Variants in LYRM4 observed in about 807,000 individuals in gnomAD.
The protein encoded by LYRM4 is LYR motif-containing protein 4.
Under a neutral mutation model 11.7 loss-of-function variants are expected in LYRM4, and 9 were observed. That is an observed-to-expected ratio of 0.77 (90% CI 0.46 to 1.34). The LOEUF is 1.34. LYRM4 is among the 40% of genes most tolerant of loss of function. The pLI, the probability that LYRM4 is intolerant of heterozygous loss-of-function variation, is 0.00. For synonymous variants in LYRM4, 42 were observed against 40.4 expected, an observed-to-expected ratio of 1.04 and a Z score of -0.15; for missense variants, 133 against 112.5, an observed-to-expected ratio of 1.18 and a Z score of -0.82.
chr6:5,136,560 A>G (rs933491435), intron 2 of LYRM4: 11 of 970,458 alleles, frequency 1.1e-5, no homozygotes, highest in Non-Finnish European at 1.3e-5. Flanking sequence ...GTTAGATGGT[A>G]TTTATAATGT....
At chr6:5,122,096 C>T (rs1012726265) in intron 2 of LYRM4, among the ~76,000 whole-genome samples, 1 of 152,186 alleles carries the variant, frequency 6.6e-6, no homozygotes, top group African/African-American at 2.4e-5. Context: ...CAGGCAAGCT[C>T]AGCAGAAACC....
At chr6:5,049,968 T>C in the LYRM4 span, among the ~76,000 whole-genome samples, 2 of 152,250 alleles carry the variant, frequency 1.3e-5, no homozygotes, top group African/African-American at 4.8e-5. Context: ...ATGCCCGGCC[T>C]GGGCAGTGTC....
At chr6:5,069,370 T>TA in the LYRM4 span, among the ~76,000 whole-genome samples, 3,038 of 148,916 alleles carry the variant, frequency 0.02, 51 homozygotes, top group African/African-American at 0.046. Context: ...CATGTTAACA[T>TA]AAAAAAAAAA....
chr6:5,234,818 T>C (rs183666975), intron 1 of LYRM4, among the ~76,000 whole-genome samples: 2 of 152,216 alleles, frequency 1.3e-5, no homozygotes, highest in East Asian at 3.9e-4. Context: ...CATTACTAGA[T>C]TGAGGAAGAA....
intron 1 of LYRM4, among the ~76,000 whole-genome samples, chr6:5,225,841 T>C (rs1005033421): frequency 3.3e-5 from 5 of 152,258 alleles, no homozygotes; most frequent in Admixed American, 2.6e-4. Context: ...CCAACATCTC[T>C]GCCAACACAG....
chr6:5,085,691 A>C, the LYRM4 span: 1 of 1,547,812 alleles, frequency 6.5e-7, no homozygotes, highest in Non-Finnish European at 8.7e-7. Context: ...GCCCCCCAGG[A>C]GCAGGAGGAG....
chr6:5,248,710 C>T (rs1764304711), intron 1 of LYRM4, among the ~76,000 whole-genome samples: 1 of 152,248 alleles, frequency 6.6e-6, no homozygotes, highest in African/African-American at 2.4e-5. Context: ...AGGCTGCTGT[C>T]TCTCCTATCT....
intron 1 of LYRM4, among the ~76,000 whole-genome samples, chr6:5,223,653 A>G (rs1484465618): frequency 6.6e-6 from 1 of 152,260 alleles, no homozygotes; most frequent in Admixed American, 6.5e-5. Flanking sequence ...TAAATAGTTC[A>G]GCGCCAAACA....
intron 1 of LYRM4, among the ~76,000 whole-genome samples, chr6:5,251,735 T>C (rs569274874): frequency 6.6e-6 from 1 of 152,304 alleles, no homozygotes; most frequent in Admixed American, 6.5e-5. Context: ...ACATCCAAAC[T>C]GTATCATTGC....
the LYRM4 span, among the ~76,000 whole-genome samples, chr6:5,081,418 G>C: frequency 7.4e-4 from 113 of 152,298 alleles, no homozygotes; most frequent in African/African-American, 2.6e-3. Flanking sequence ...GGGCTGCAAG[G>C]TGGGTGCACA....
chr6:5,162,272 G>C (rs1469947591), intron 2 of LYRM4, among the ~76,000 whole-genome samples: 6 of 152,176 alleles, frequency 3.9e-5, no homozygotes, highest in Non-Finnish European at 8.8e-5. Context: ...TTTTAACTTG[G>C]TCTTTGTGTC....
intron 2 of LYRM4, among the ~76,000 whole-genome samples, chr6:5,195,777 A>G (rs992545359): frequency 7.9e-5 from 12 of 152,166 alleles, no homozygotes; most frequent in Non-Finnish European, 1.6e-4. Context: ...CTCAACAGCT[A>G]TTCACCTGAG....
At chr6:5,117,829 G>T (rs1489201779) in intron 2 of LYRM4, among the ~76,000 whole-genome samples, 2 of 151,980 alleles carry the variant, frequency 1.3e-5, no homozygotes, top group Non-Finnish European at 2.9e-5. Flanking sequence ...GATCTCGCCT[G>T]TGAATAAATA....
intron 1 of LYRM4, among the ~76,000 whole-genome samples, chr6:5,241,167 G>A (rs1229547111): frequency 1.3e-5 from 2 of 152,058 alleles, no homozygotes; most frequent in South Asian, 2.1e-4. Flanking sequence ...GTATGTGTCC[G>A]GCCCATGGGA....
At chr6:5,170,594 G>A (rs754836633) in intron 2 of LYRM4, among the ~76,000 whole-genome samples, 33 of 152,120 alleles carry the variant, frequency 2.2e-4, no homozygotes, top group Non-Finnish European at 3.5e-4. Flanking sequence ...TCTGCCTCCC[G>A]TGTTCAAGCG....
At chr6:5,072,614 C>T in the LYRM4 span, among the ~76,000 whole-genome samples, 20 of 147,524 alleles carry the variant, frequency 1.4e-4, no homozygotes, top group African/African-American at 4.8e-4. Flanking sequence ...GTTTCACTCT[C>T]GTTGCCCAGG....
At chr6:5,036,437 T>G in the LYRM4 span, among the ~76,000 whole-genome samples, 1 of 152,172 alleles carries the variant, frequency 6.6e-6, no homozygotes, top group Non-Finnish European at 1.5e-5. Flanking sequence ...ACAGCAGCTC[T>G]GAGATGCAAC....
At chr6:5,040,505 C>T in the LYRM4 span, among the ~76,000 whole-genome samples, 12 of 150,260 alleles carry the variant, frequency 8.0e-5, no homozygotes, top group African/African-American at 2.9e-4. Flanking sequence ...AGTTCAAGAC[C>T]AGCCTGGGCA....
chr6:5,033,980 C>T, the LYRM4 span: 5 of 152,296 alleles, frequency 3.3e-5, no homozygotes, highest in African/African-American at 1.2e-4. Context: ...TCCCAGCTCT[C>T]ACACTAGAAA....
Sources: gnomAD v4.1 joint callset for allele counts (sites outside exome capture counted in the v4.1 genomes callset) on GRCh38, gnomAD v4.1.1 for gene constraint, MANE v1.5 for transcripts, NCBI Gene and HGNC (gene_info 2026-07-23, HGNC 2026-07-21) for gene names.